Variants in PGAP2 observed in about 807,000 individuals in gnomAD.
The protein encoded by PGAP2 is acyltransferase PGAP2.
Under a neutral mutation model 33.2 loss-of-function variants are expected in PGAP2, and 21 were observed. The observed-to-expected ratio is 0.63, with a 90% CI of 0.45 to 0.91. PGAP2 has a LOEUF of 0.91. PGAP2 is among the 40% of genes least tolerant of loss of function. The probability of loss-of-function intolerance (pLI) is 0.00; values close to 1 mark genes in which losing one functional copy is unlikely to be tolerated. For missense variants in PGAP2, 345 were observed against 424.0 expected (o/e 0.81, Z 1.64); for synonymous variants, 161 against 172.9 (o/e 0.93, Z 0.54).
chr11:3,814,543 C>T (rs2086322478), intron 2 of PGAP2, among the ~76,000 whole-genome samples: 1 of 152,026 alleles, frequency 6.6e-6, no homozygotes, highest in Admixed American at 6.5e-5. Flanking sequence ...AGGCGTGAGC[C>T]ACCATGCCCA....
chr11:3,810,682 G>A (rs2085355776), intron 1 of PGAP2, among the ~76,000 whole-genome samples: 3 of 152,230 alleles, frequency 2.0e-5, no homozygotes, highest in South Asian at 2.1e-4. Context: ...ACAAGCAGGG[G>A]GCTTGGGGTT....
At chr11:3,813,852 G>A (rs879520462) in intron 2 of PGAP2, among the ~76,000 whole-genome samples, 1 of 152,144 alleles carries the variant, frequency 6.6e-6, no homozygotes, top group African/African-American at 2.4e-5. Context: ...GACCCCAAGG[G>A]CTGATGGCAT....
intron 3 of PGAP2, among the ~76,000 whole-genome samples, chr11:3,822,139 C>A (rs1032336459): frequency 6.7e-6 from 1 of 150,124 alleles, no homozygotes; most frequent in Non-Finnish European, 1.5e-5. Flanking sequence ...CCGAGGTGGG[C>A]GGATCACGAG....
At chr11:3,823,564 G>A (rs2089378541) in intron 3 of PGAP2, 42 of 1,533,386 alleles carry the variant, frequency 2.7e-5, no homozygotes, top group Middle Eastern at 1.7e-4. Context: ...ACAGCTCTGA[G>A]CTATGGGTGT....
chr11:3,817,697 G>A (rs766827311), intron 3 of PGAP2, 162 bp downstream of exon 3: 2 of 707,286 alleles, frequency 2.8e-6, no homozygotes, highest in East Asian at 5.4e-5. Context: ...TTCATGGGGG[G>A]AGACTCAGAG....
chr11:3,809,634 T>G (rs753541997), intron 1 of PGAP2, among the ~76,000 whole-genome samples: 1 of 151,970 alleles, frequency 6.6e-6, no homozygotes, highest in African/African-American at 2.4e-5. Flanking sequence ...AACTGCAGAG[T>G]CTAGGTTTGG....
intron 2 of PGAP2, among the ~76,000 whole-genome samples, chr11:3,815,276 A>G (rs1479818493): frequency 6.7e-6 from 1 of 150,320 alleles, no homozygotes; most frequent in African/African-American, 2.5e-5. Context: ...AGAGACAAGA[A>G]GACAGTAATG....
intron 5 of PGAP2, 129 bp downstream of exon 5, chr11:3,824,505 G>A (rs1438888724): frequency 7.1e-7 from 1 of 1,416,240 alleles, no homozygotes; most frequent in Non-Finnish European, 9.7e-7. Context: ...GGGGTGCTGG[G>A]GTTGGGGCTG....
At chr11:3,808,359 A>G (rs2084825859), upstream of PGAP2, 2 of 1,550,614 alleles carry the variant, frequency 1.3e-6, no homozygotes, top group East Asian at 2.4e-5. Flanking sequence ...AAACTCAGGT[A>G]TCCAGAGCTC....
upstream of PGAP2, among the ~76,000 whole-genome samples, chr11:3,804,772 G>T (rs1280071196): frequency 6.6e-6 from 1 of 152,110 alleles, no homozygotes; most frequent in Admixed American, 6.6e-5. Flanking sequence ...CGCAATGTTG[G>T]CTCACTGCAA....
chr11:3,808,118 C>A, upstream of PGAP2: 3 of 1,458,998 alleles, frequency 2.1e-6, no homozygotes, highest in Non-Finnish European at 2.7e-6. Context: ...ATGTCCCCAA[C>A]CGCCCTGACG....
chr11:3,802,949 C>T (rs2083685277), intron 1 of PGAP2, among the ~76,000 whole-genome samples: 1 of 150,616 alleles, frequency 6.6e-6, no homozygotes, highest in Admixed American at 6.6e-5. Context: ...GCCTCAGCCT[C>T]CCGAGTAGCT....
upstream of PGAP2, among the ~76,000 whole-genome samples, chr11:3,807,360 T>G (rs559495917): frequency 2.8e-5 from 4 of 141,696 alleles, no homozygotes; most frequent in East Asian, 8.8e-4. Flanking sequence ...CATGCTTGAG[T>G]GCAGTGGTAC....
At chr11:3,814,862 CTTTT>C (rs755482736) in intron 2 of PGAP2, among the ~76,000 whole-genome samples, 4 of 126,256 alleles carry the variant, frequency 3.2e-5, no homozygotes, top group Admixed American at 2.5e-4. Flanking sequence ...TTCTTTCTTT[CTTTT>C]CTTTCTTTTC....
rs562411542 is a variant in PGAP2 at position 3,811,142 on chromosome 11, C to G, written c.-10-108C>G. Reference sequence around the variant, plus strand: ...TAGGTGCCTTCCTCCTCAGACTCCCCACCCCACAGCACACAGCTAATTTTA... The same window carrying G: ...TAGGTGCCTTCCTCCTCAGACTCCCGACCCCACAGCACACAGCTAATTTTA... On this transcript the variant is annotated intron_variant, in intron 1 of 6. Coordinates refer to ENST00000278243, the MANE Select transcript of PGAP2 (RefSeq NM_014489.4). The surrounding 1 kb of genome is among the most constrained non-coding windows in gnomAD (Gnocchi z 4.6). The G allele has an allele frequency of 2.0e-6, 2 of 1,003,402 alleles. No homozygotes were observed. The highest frequency in any genetic ancestry group is 2.9e-6 in the Non-Finnish European group (2 of 683,074). The allele number at this position is 1,003,402 out of a possible 1,614,324, so 62.2% of individuals were successfully genotyped here. A position where few individuals can be genotyped will look rare whatever the true frequency, so the allele number is the denominator to read the frequency against.
chr11:3,811,815 C>G lies in PGAP2; in HGVS notation c.165+391C>G, dbSNP rs1255396021. Among the ~76,000 whole-genome samples the G allele has an allele frequency of 6.6e-6, 1 of 152,030 alleles. No homozygotes were observed. Among genetic ancestry groups the G allele is most frequent in the Non-Finnish European group, 1.5e-5 (1 of 68,018 alleles). On this transcript the variant is annotated intron_variant, in intron 2 of 6. Transcript: ENST00000278243. This position sits in a 1 kb window ranked among gnomAD's most constrained non-coding sequence, Gnocchi z 4.6. The stretch of plus-strand genomic sequence containing the variant: ...TTCATAGAAGAGCAGATTCTGGAAC[C>G]CCAGGGTTTCTGGGAAGTGGAGAGA...
At chr11:3,805,504 C>A (rs955575597), upstream of PGAP2, among the ~76,000 whole-genome samples, 2 of 150,812 alleles carry the variant, frequency 1.3e-5, no homozygotes, top group Non-Finnish European at 3.0e-5. Context: ...TCAAGTGATC[C>A]TCCTGCCTTG....
chr11:3,824,220 G>T (rs201776242), intron 4 of PGAP2, 50 bp from the exon 5 acceptor site: 2 of 1,612,740 alleles, frequency 1.2e-6, no homozygotes, highest in East Asian at 2.2e-5. Context: ...TTCCTACTTC[G>T]TGGTGTGGGC....
chr11:3,813,219 TTTTA>T (rs1173328666), intron 2 of PGAP2, among the ~76,000 whole-genome samples: 1 of 152,166 alleles, frequency 6.6e-6, no homozygotes, highest in East Asian at 1.9e-4. Flanking sequence ...ATTTGGGTTT[TTTTA>T]TTTGTTTTAG....
Sources: gnomAD v4.1 joint callset for allele counts (sites outside exome capture counted in the v4.1 genomes callset) on GRCh38, gnomAD v4.1.1 for gene constraint, Gnocchi (gnomAD v3.1) non-coding constraint, MANE v1.5 for transcripts, NCBI Gene and HGNC (gene_info 2026-07-23, HGNC 2026-07-21) for gene names.